Variants in PLXDC2 observed in about 807,000 individuals in gnomAD.
The protein encoded by PLXDC2 is plexin domain containing 2.
Under a neutral mutation model 68.9 loss-of-function variants are expected in PLXDC2, and 40 were observed. That is an observed-to-expected ratio of 0.58 (90% CI 0.45 to 0.76). The LOEUF (loss-of-function observed/expected upper bound fraction) is 0.76, where lower values mean the gene tolerates loss of function less well. Among genes scored for constraint, PLXDC2 ranks in the 30% least tolerant of loss-of-function variants. The pLI is 0.00. For missense variants in PLXDC2, 644 were observed against 661.9 expected, an observed-to-expected ratio of 0.97 and a Z score of 0.30; for synonymous variants, 243 against 234.2, an observed-to-expected ratio of 1.04 and a Z score of -0.34.
chr10:20,217,085 C>A (rs4638201), intron 10 of PLXDC2, among the ~76,000 whole-genome samples: 33,594 of 152,030 alleles, frequency 0.22, 3,990 homozygotes, highest in African/African-American at 0.31. Flanking sequence ...ACCTGTTTTT[C>A]TTCTAGTATA....
At chr10:20,064,622 G>T (rs1836169850) in intron 3 of PLXDC2, among the ~76,000 whole-genome samples, 1 of 152,062 alleles carries the variant, frequency 6.6e-6, no homozygotes. Context: ...TAACTAATTA[G>T]TGACACAGCA....
At chr10:20,275,499 C>T (rs1413360498) in intron 13 of PLXDC2, among the ~76,000 whole-genome samples, 1 of 152,050 alleles carries the variant, frequency 6.6e-6, no homozygotes, top group Non-Finnish European at 1.5e-5. Context: ...GCTCGGGGAG[C>T]GCACGCAAGC....
chr10:19,873,416 T>C (rs994402597), intron 1 of PLXDC2, among the ~76,000 whole-genome samples: 41 of 149,398 alleles, frequency 2.7e-4, no homozygotes, highest in Non-Finnish European at 4.9e-4. Flanking sequence ...CTTTTTTTTT[T>C]TTTTTTTTTT....
intron 1 of PLXDC2, among the ~76,000 whole-genome samples, chr10:19,960,568 A>G (rs1211515452): frequency 6.6e-6 from 1 of 151,886 alleles, no homozygotes; most frequent in South Asian, 2.1e-4. Context: ...TTATTCTTCT[A>G]TCCTCTATGA....
At chr10:20,175,548 T>C (rs1168411739) in intron 7 of PLXDC2, among the ~76,000 whole-genome samples, 1 of 151,836 alleles carries the variant, frequency 6.6e-6, no homozygotes, top group Admixed American at 6.6e-5. Flanking sequence ...TAACTAGGCA[T>C]GGGGGTGCAT....
intron 13 of PLXDC2, among the ~76,000 whole-genome samples, chr10:20,257,827 T>G (rs887647433): frequency 6.6e-6 from 1 of 151,988 alleles, no homozygotes; most frequent in African/African-American, 2.4e-5. Flanking sequence ...AATTTTTAAT[T>G]TTTATGGCTA....
intron 4 of PLXDC2, among the ~76,000 whole-genome samples, chr10:20,098,334 G>A (rs1048367520): frequency 7.5e-5 from 10 of 133,070 alleles, no homozygotes; most frequent in South Asian, 3.0e-4. Context: ...CTGTCTTCCC[G>A]TCATTTTCGT....
intron 4 of PLXDC2, among the ~76,000 whole-genome samples, chr10:20,130,948 A>G (rs1010829987): frequency 1.3e-5 from 2 of 152,114 alleles, no homozygotes; most frequent in African/African-American, 4.8e-5. Flanking sequence ...CTTTTATTGT[A>G]ACGTTTTCGT....
At chr10:19,959,770 G>A (rs1011861221) in intron 1 of PLXDC2, among the ~76,000 whole-genome samples, 2 of 152,020 alleles carry the variant, frequency 1.3e-5, no homozygotes, top group African/African-American at 4.8e-5. Flanking sequence ...TGAAACCCTA[G>A]GGACCCACAG....
chr10:19,980,250 G>A (rs760411081), intron 1 of PLXDC2, among the ~76,000 whole-genome samples: 4 of 152,132 alleles, frequency 2.6e-5, no homozygotes, highest in African/African-American at 9.7e-5. Flanking sequence ...TAGTTGAAGG[G>A]TTCAGTATAC....
chr10:19,898,631 A>G (rs1838104959), intron 1 of PLXDC2, among the ~76,000 whole-genome samples: 2 of 152,204 alleles, frequency 1.3e-5, no homozygotes, highest in Non-Finnish European at 2.9e-5. Context: ...TATGGCTTAT[A>G]TATCTATTTG....
rs1359418550 is a variant in PLXDC2 at position 20,120,715 on chromosome 10, C to G, written c.542-22580C>G. Among the ~76,000 whole-genome samples, 5 of 152,014 alleles carry G rather than the reference C, an allele frequency of 3.3e-5. No individual in the cohort carries two copies. In the South Asian group the frequency reaches 6.2e-4, roughly 19 times the overall value. On this transcript the variant is annotated intron_variant, in intron 4 of 13. Coordinates refer to ENST00000377252, the MANE Select transcript of PLXDC2 (RefSeq NM_032812.9). ...TGGGTGGGGGCAAATCCTCGAGCTT[C>G]ATGTGTAGGGAAGGGAGGGGGCCTG...
At chr10:20,189,028 A>AATACAGTGAGGTATGATGTTATTT (rs761286649) in intron 9 of PLXDC2, among the ~76,000 whole-genome samples, 10 of 131,802 alleles carry the variant, frequency 7.6e-5, no homozygotes, top group Non-Finnish European at 1.5e-4. Flanking sequence ...TCAAATTTTA[A>AATACAGTGAGGTATGATGTTATTT]TGAAGAATCT....
At chr10:20,011,440 C>G (rs1392669796) in intron 2 of PLXDC2, among the ~76,000 whole-genome samples, 1 of 152,158 alleles carries the variant, frequency 6.6e-6, no homozygotes, top group Admixed American at 6.5e-5. Flanking sequence ...TAACTGCCAG[C>G]AGTTTAGCAA....
chr10:20,155,938 G>A (rs1166952161), intron 6 of PLXDC2, among the ~76,000 whole-genome samples: 1 of 152,026 alleles, frequency 6.6e-6, no homozygotes, highest in Non-Finnish European at 1.5e-5. Context: ...GGAGTGCAGT[G>A]GCGCGATCTC....
At chr10:19,875,063 C>T (rs989940555) in intron 1 of PLXDC2, among the ~76,000 whole-genome samples, 1 of 152,252 alleles carries the variant, frequency 6.6e-6, no homozygotes, top group Non-Finnish European at 1.5e-5. Context: ...TTAAGCCAAT[C>T]ATATTTTTCT....
At position 19,841,544 on chromosome 10, in the gene PLXDC2, T is replaced by G. The variant is rs996480449; in HGVS notation, c.112+24353T>G. ...AATATGGTGTGTTTCAGGGTTTTTT[T>G]TTTTTTTTTTTTAAGTGTTGCCTAT... On this transcript the variant is annotated intron_variant, in intron 1 of 13. Transcript: ENST00000377252. 2.6e-5 allele frequency among the ~76,000 whole-genome samples: 4 copies of G among 151,500 alleles called. No individual in the cohort carries two copies. In the East Asian group the frequency reaches 5.8e-4, roughly 22 times the overall value.
chr10:19,902,768 A>T (rs138955298), intron 1 of PLXDC2, among the ~76,000 whole-genome samples: 372 of 152,236 alleles, frequency 2.4e-3, no homozygotes, highest in Non-Finnish European at 4.2e-3. Flanking sequence ...GTTCTCAGGG[A>T]GAATGCTTTC....
chr10:19,997,894 A>G (rs1038889285), intron 1 of PLXDC2, among the ~76,000 whole-genome samples: 1 of 152,346 alleles, frequency 6.6e-6, no homozygotes, highest in South Asian at 2.1e-4. Context: ...GAATGTGTTA[A>G]GATCAATGTA....
Sources: allele counts gnomAD v4.1 joint callset (sites outside exome capture counted in the v4.1 genomes callset), GRCh38; gene constraint gnomAD v4.1.1; transcripts MANE v1.5; gene names NCBI Gene and HGNC (gene_info 2026-07-23, HGNC 2026-07-21).